Variants in WDR36 observed in about 807,000 individuals in gnomAD.
The protein encoded by WDR36 is WD repeat-containing protein 36.
In WDR36, 63 loss-of-function variants were observed where a neutral mutation model predicts 112.7. That is an observed-to-expected ratio of 0.56 (90% CI 0.46 to 0.69). The LOEUF (loss-of-function observed/expected upper bound fraction) is 0.69, where lower values mean the gene tolerates loss of function less well. Ranked by LOEUF, WDR36 falls within the 30% of genes least tolerant of loss-of-function variation. The pLI is 0.00. For synonymous variants in WDR36, 410 were observed against 362.2 expected (o/e 1.13, Z -1.50); for missense variants, 1,226 against 1,070.3 (o/e 1.15, Z -2.03).
chr5:111,122,917 C>A (rs759776794), intron 19 of WDR36, among the ~76,000 whole-genome samples: 3 of 152,094 alleles, frequency 2.0e-5, no homozygotes, highest in Admixed American at 6.5e-5. Flanking sequence ...CGAGACCAGC[C>A]TGGTCAACAT....
At position 111,110,817 on chromosome 5, in the gene WDR36, G is replaced by A. The variant is rs759912229; in HGVS notation, c.1471G>A (p.Val491Met). 1.9e-6 allele frequency: 3 copies of A among 1,611,294 alleles called. No individual in the cohort carries two copies. Among genetic ancestry groups the A allele is most frequent in the South Asian group, 2.2e-5 (2 of 90,988 alleles). Residue 491 changes from valine (V) to methionine (M), a missense_variant, in exon 14 of 23, where the codon GTG (valine) becomes ATG (methionine). By Grantham distance (21) the Val-to-Met change is conservative. Transcript: ENST00000513710. ...CAAGGGATCTGTTAGAGGTGTCGCA[G>A]TGGATGGATTAAACCAGTTGACAGT... ...AHKGSVRGVAVDGLNQLTVTT... is the reference protein window; with the variant it reads ...AHKGSVRGVAMDGLNQLTVTT...
At chr5:111,100,817 A>T in intron 5 of WDR36, 96 bp downstream of exon 5, 1 of 1,292,932 alleles carries the variant, frequency 7.7e-7, no homozygotes, top group Admixed American at 2.0e-5. Flanking sequence ...CTGCCCTTGT[A>T]TATTTATTTG....
intron 21 of WDR36, among the ~76,000 whole-genome samples, chr5:111,124,891 A>C (rs150229083): frequency 3.9e-5 from 6 of 152,292 alleles, no homozygotes; most frequent in African/African-American, 1.4e-4. Flanking sequence ...AGAAATAAAA[A>C]CACTATTGTT....
intron 4 of WDR36, 149 bp from the exon 5 acceptor site, chr5:111,100,440 G>T (rs200255080): frequency 1.3e-5 from 6 of 453,884 alleles, no homozygotes; most frequent in Admixed American, 8.2e-5. Flanking sequence ...ATTTCTCAAG[G>T]AATGTTTATA....
intron 4 of WDR36, 129 bp downstream of exon 4, chr5:111,098,968 C>A: frequency 1.4e-6 from 1 of 691,610 alleles, no homozygotes; most frequent in Non-Finnish European, 2.5e-6. Context: ...AATCAAAAAT[C>A]TTTAACGTGT....
In WDR36 at chr5:111,110,912, C is replaced by T; in HGVS notation, c.1566C>T (p.Ser522=). 6.2e-7 allele frequency: 1 copy of T among 1,611,424 alleles called. No individual in the cohort carries two copies. Among genetic ancestry groups the T allele is most frequent in the East Asian group, 2.2e-5 (1 of 44,834 alleles). Reference sequence around the variant, plus strand: ...ACAAAATTTTAATCCATTCTGTGAGCCTCAGTTCATCTCCAAATATCATGT... The same window carrying T: ...ACAAAATTTTAATCCATTCTGTGAGTCTCAGTTCATCTCCAAATATCATGT... ...FKNKILIHSV[S]LSSSPNIMLL... The change falls in exon 14 of 23, where the codon AGC becomes AGT. Residue 522 remains serine, a synonymous_variant. Transcript: ENST00000513710.
chr5:111,096,537 CTT>C (rs1268595830), intron 2 of WDR36, among the ~76,000 whole-genome samples: 1 of 152,006 alleles, frequency 6.6e-6, no homozygotes, highest in Admixed American at 6.6e-5. Flanking sequence ...AACCCTGTCT[CTT>C]CTAAAAATAC....
Position 111,094,932 on chromosome 5 carries a change from A to T in WDR36, c.175A>T (p.Ser59Cys). The T allele has an allele frequency of 6.2e-7, 1 of 1,606,502 alleles. No homozygotes were observed. Among genetic ancestry groups the T allele is most frequent in the Non-Finnish European group, 8.5e-7 (1 of 1,175,314 alleles). The change falls in exon 2 of 23, where the codon AGT becomes TGT. Residue 59 changes from serine (S) to cysteine (C), a missense_variant. Transcript: ENST00000513710. Reference sequence around the variant, plus strand: ...CTTTTTTAAACAGGTTCAGAAACTTAGTCTGGTTGCAGTAAGTAAGTATGG... The same window carrying T: ...CTTTTTTAAACAGGTTCAGAAACTTTGTCTGGTTGCAGTAAGTAAGTATGG... ...SFHTYDVQKL[S>C]LVAVSNSVPQ...
At chr5:111,115,790 GT>G (rs1307531414) in intron 16 of WDR36, among the ~76,000 whole-genome samples, 1 of 152,092 alleles carries the variant, frequency 6.6e-6, no homozygotes, top group Non-Finnish European at 1.5e-5. Flanking sequence ...TTCCTGTAAA[GT>G]TTTTTTAAAG....
At chr5:111,124,536 T>A (rs1025661728) in intron 21 of WDR36, among the ~76,000 whole-genome samples, 1 of 152,172 alleles carries the variant, frequency 6.6e-6, no homozygotes, top group African/African-American at 2.4e-5. Context: ...GCAAGTAATT[T>A]GCAAGTCTTT....
rs950717653 is a variant in WDR36 at position 111,107,558 on chromosome 5, C to G, written c.1326+119C>G. 1.6e-5 allele frequency: 21 copies of G among 1,351,994 alleles called. No homozygotes were observed. The Admixed American group carries it at 3.2e-4, about 20-fold the overall frequency. The allele number at this position is 1,351,994 out of a possible 1,614,324, so 83.7% of individuals were successfully genotyped here. A position where few individuals can be genotyped will look rare whatever the true frequency, so the allele number is the denominator to read the frequency against. On this transcript the variant is annotated intron_variant, in intron 12 of 22. Coordinates refer to ENST00000513710, the MANE Select transcript of WDR36 (RefSeq NM_139281.3). ...AAAAACGTAGTTTAACATTTTAAAGCATTGCATAACCCAAAGCCACAAAAA... is the reference window on the plus strand; with the variant it reads ...AAAAACGTAGTTTAACATTTTAAAGGATTGCATAACCCAAAGCCACAAAAA...
chr5:111,119,336 G>T (rs1398867780), intron 17 of WDR36, among the ~76,000 whole-genome samples: 1 of 152,122 alleles, frequency 6.6e-6, no homozygotes, highest in Non-Finnish European at 1.5e-5. Context: ...CCACATGATT[G>T]ATTTTTGTCT....
At chr5:111,122,718 G>A (rs6889889) in intron 19 of WDR36, among the ~76,000 whole-genome samples, 38,957 of 152,168 alleles carry the variant, frequency 0.26, 5,860 homozygotes, top group Non-Finnish European at 0.34. Context: ...GGAATAGAAT[G>A]TCTCCCTAGG....
At chr5:111,106,599 T>C (rs547987284) in intron 11 of WDR36, among the ~76,000 whole-genome samples, 4 of 151,562 alleles carry the variant, frequency 2.6e-5, no homozygotes, top group African/African-American at 9.6e-5. Context: ...AAATCTATCA[T>C]GGGAAATTAC....
chr5:111,099,351 A>G (rs535009752), intron 4 of WDR36, among the ~76,000 whole-genome samples: 1 of 151,528 alleles, frequency 6.6e-6, no homozygotes, highest in East Asian at 1.9e-4. Context: ...GGATATCTAC[A>G]CCTTTCCTCA....
In WDR36 at chr5:111,120,504, T is replaced by C. The variant is rs1011711757; in HGVS notation, c.1913T>C (p.Ile638Thr). The C allele has an allele frequency of 1.2e-6, 2 of 1,612,008 alleles. No individual in the cohort carries two copies. Among genetic ancestry groups the C allele is most frequent in the Non-Finnish European group, 1.7e-6 (2 of 1,178,628 alleles). ...ATGTTTTGATTTTTCAGGTCCAATA[T>C]TTCCCTGTATTCAGTTGTTTCATTA... is the stretch of plus-strand genomic sequence containing the variant. Reference protein sequence around the residue: ...DHLGIYLWSNISLYSVVSLRP... With the variant: ...DHLGIYLWSNTSLYSVVSLRP... The change falls in exon 18 of 23, where the codon ATT becomes ACT. Residue 638 changes from isoleucine (I) to threonine (T), a missense_variant. Coordinates refer to ENST00000513710, the MANE Select transcript of WDR36 (RefSeq NM_139281.3).
chr5:111,125,805 A>T lies in WDR36; in HGVS notation c.2538+10A>T, dbSNP rs748029683. The stretch of plus-strand genomic sequence containing the variant: ...TGCATTGTTTCTAAAGGTAAGTCTA[A>T]TGTAAGACAGTACTGCCCAGCTTGT... On this transcript the variant is annotated intron_variant, in intron 22 of 22. Coordinates refer to ENST00000513710, the MANE Select transcript of WDR36 (RefSeq NM_139281.3). 1 of 1,613,544 alleles carries T rather than the reference A, an allele frequency of 6.2e-7. No individual in the cohort carries two copies. The highest frequency in any genetic ancestry group is 1.7e-5 in the Admixed American group (1 of 60,000).
At chr5:111,094,974 A>G (rs769483172) in intron 2 of WDR36, 27 bp downstream of exon 2, 11 of 1,597,272 alleles carry the variant, frequency 6.9e-6, no homozygotes, top group Non-Finnish European at 9.4e-6. Context: ...TTCTGAATTT[A>G]TGCACATCTA....
At position 111,113,130 on chromosome 5, in the gene WDR36, G is replaced by A; in HGVS notation, c.1773G>A (p.Arg591=). Residue 591 remains arginine, a synonymous_variant, in exon 16 of 23, where the codon AGG becomes AGA. Transcript: ENST00000513710. The part of the protein sequence containing the change: ...LISAAMDCSI[R]TWDLPSGCLI... ...GTGCTGCGATGGATTGCTCTATTAG[G>A]ACTTGGGACCTTCCTTCTGGGTGGT... is the stretch of plus-strand genomic sequence containing the variant. The A allele has an allele frequency of 6.3e-7, 1 of 1,589,270 alleles. No homozygotes were observed. Among genetic ancestry groups the A allele is most frequent in the Non-Finnish European group, 8.6e-7 (1 of 1,165,644 alleles).
Sources: allele counts gnomAD v4.1 joint callset (sites outside exome capture counted in the v4.1 genomes callset), GRCh38; gene constraint gnomAD v4.1.1; transcripts MANE v1.5; gene names NCBI Gene and HGNC (gene_info 2026-07-23, HGNC 2026-07-21).